Variants in C2CD3 observed in about 807,000 individuals in gnomAD.
The protein encoded by C2CD3 is C2 domain-containing protein 3.
Under a neutral mutation model 234.0 loss-of-function variants are expected in C2CD3, and 148 were observed. The ratio of observed to expected loss-of-function variants is 0.63; its 90% confidence interval spans 0.55 to 0.72. The LOEUF is 0.72. C2CD3 is among the 30% of genes least tolerant of loss of function. C2CD3 has a pLI of 0.00. For synonymous variants in C2CD3, 1,000 were observed against 1,035.4 expected (o/e 0.97, Z 0.66); for missense variants, 2,577 against 2,811.5 (o/e 0.92, Z 1.89).
rs1565263797 is a variant in C2CD3 at position 74,078,121 on chromosome 11, C to T, written c.4597G>A (p.Val1533Ile). The T allele has an allele frequency of 6.2e-7, 1 of 1,612,552 alleles. No individual in the cohort carries two copies. Among genetic ancestry groups the T allele is most frequent in the Admixed American group, 1.7e-5 (1 of 59,930 alleles). The change falls in exon 23 of 33, where the codon GTC (valine) becomes ATC (isoleucine). Residue 1533 changes from valine to isoleucine, a missense_variant. Val to Ile is a conservative substitution (Grantham distance 29). Coordinates refer to ENST00000334126, the MANE Select transcript of C2CD3 (RefSeq NM_001286577.2). Reference protein sequence around the residue: ...LGERSARTLTVSGVYPLFGRN... With the variant: ...LGERSARTLTISGVYPLFGRN... ...AATCAGGCTCCTCACTTACCACTGA[C>T]AGTTAGCGTCCTCGCTGACCTCTCC...
intron 9 of C2CD3, among the ~76,000 whole-genome samples, chr11:74,116,874 GTATA>G (rs1412796057): frequency 8.0e-6 from 1 of 125,104 alleles, no homozygotes; most frequent in South Asian, 2.5e-4. Context: ...ACGTGTATAT[GTATA>G]TATACACACG....
Position 74,037,490 on chromosome 11 carries a change from A to C in C2CD3, c.5869T>G (p.Ser1957Ala), listed in dbSNP as rs1179753071. Residue 1957 changes from serine to alanine, a missense_variant, in exon 30 of 33, where the codon TCC (serine) becomes GCC (alanine). Transcript: ENST00000334126. Reference protein sequence around the residue: ...KSSNLVLQVSSLITDLQTITR... With the variant: ...KSSNLVLQVSALITDLQTITR... ...ATCTGAGTCATACCTGTGATTAAGG[A>C]GCTGACTTGCAACACCAGGTTACTG... 1 of 1,613,072 alleles carries C rather than the reference A, an allele frequency of 6.2e-7. No individual in the cohort carries two copies. Among genetic ancestry groups the C allele is most frequent in the Non-Finnish European group, 8.5e-7 (1 of 1,179,080 alleles).
chr11:74,146,982 C>T lies in C2CD3; in HGVS notation c.484-7154G>A, dbSNP rs187215266. 4.3e-3 allele frequency among the ~76,000 whole-genome samples: 649 copies of T among 151,468 alleles called. 3 individuals are homozygous for T. Among genetic ancestry groups the T allele is most frequent in the African/African-American group, 0.015 (617 of 41,252 alleles). ...GCAGGAGAATTGCTTGAACCTGGGGCGGAGGTTGCAGTGAGCCGAGATCGT... is the reference window on the plus strand; with the variant it reads ...GCAGGAGAATTGCTTGAACCTGGGGTGGAGGTTGCAGTGAGCCGAGATCGT... On this transcript the variant is annotated intron_variant, in intron 3 of 32. Transcript: ENST00000334126.
chr11:74,095,154 GA>G (rs574932207), intron 17 of C2CD3, 73 bp downstream of exon 17: 332 of 960,116 alleles, frequency 3.5e-4, no homozygotes, highest in South Asian at 6.1e-4. Context: ...AATTCACTCA[GA>G]AAAAAAAAAC....
At chr11:74,116,994 G>T (rs1471791723) in intron 9 of C2CD3, among the ~76,000 whole-genome samples, 1 of 114,530 alleles carries the variant, frequency 8.7e-6, no homozygotes, top group African/African-American at 3.4e-5. Context: ...ACACATATAC[G>T]TGTATATGTA....
intron 24 of C2CD3, chr11:74,070,885 C>T (rs192977929): frequency 6.6e-5 from 10 of 152,200 alleles, no homozygotes; most frequent in African/African-American, 2.2e-4. Context: ...ATTAGAATGC[C>T]TTTTTCCTCT....
At chr11:74,107,492 T>G (rs1392733034) in intron 12 of C2CD3, among the ~76,000 whole-genome samples, 1 of 152,216 alleles carries the variant, frequency 6.6e-6, no homozygotes, top group Non-Finnish European at 1.5e-5. Context: ...TGGCATAACA[T>G]GTAGCCATTA....
intron 16 of C2CD3, among the ~76,000 whole-genome samples, chr11:74,097,414 A>T (rs1210697079): frequency 2.0e-5 from 3 of 152,196 alleles, no homozygotes; most frequent in Non-Finnish European, 4.4e-5. Context: ...AAGTTAGAAG[A>T]CCTGTGTCTG....
At chr11:74,076,697 C>A (rs1035926349) in intron 23 of C2CD3, among the ~76,000 whole-genome samples, 1 of 152,114 alleles carries the variant, frequency 6.6e-6, no homozygotes, top group Non-Finnish European at 1.5e-5. Flanking sequence ...TTACTACAGT[C>A]CCCAAAATCT....
chr11:74,040,923 C>T (rs1953012073), intron 29 of C2CD3, among the ~76,000 whole-genome samples: 1 of 151,172 alleles, frequency 6.6e-6, no homozygotes, highest in Non-Finnish European at 1.5e-5. Context: ...CACACACACA[C>T]ACGCACACAC....
intron 3 of C2CD3, among the ~76,000 whole-genome samples, chr11:74,158,486 GC>G (rs1198354547): frequency 2.6e-5 from 4 of 152,112 alleles, no homozygotes; most frequent in African/African-American, 9.7e-5. Flanking sequence ...ACTTTGGGAG[GC>G]CAAGGCGGGC....
intron 32 of C2CD3, among the ~76,000 whole-genome samples, chr11:74,014,931 G>A (rs1951824851): frequency 6.6e-6 from 1 of 152,228 alleles, no homozygotes; most frequent in South Asian, 2.1e-4. Context: ...ATAACCAAGA[G>A]CAAAGTGATA....
At chr11:74,048,104 C>T (rs563536200) in intron 28 of C2CD3, 101 bp downstream of exon 28, 1 of 1,281,218 alleles carries the variant, frequency 7.8e-7, no homozygotes, top group Non-Finnish European at 1.1e-6. Flanking sequence ...CTTACCCTGT[C>T]TTGTTTTTTC....
intron 3 of C2CD3, among the ~76,000 whole-genome samples, chr11:74,159,548 T>TA (rs894504162): frequency 6.0e-5 from 9 of 150,022 alleles, no homozygotes; most frequent in East Asian, 2.0e-4. Context: ...TTTAAAGAGT[T>TA]AAAAAAAAAT....
chr11:74,078,346 C>G lies in C2CD3; in HGVS notation c.4372G>C (p.Val1458Leu). 1 of 1,614,192 alleles carries G rather than the reference C, an allele frequency of 6.2e-7. No homozygotes were observed. The highest frequency in any genetic ancestry group is 8.5e-7 in the Non-Finnish European group (1 of 1,180,030). ...GTGACCATAATCTGCTTTTTGTTTACAGATTCCTTAGGCTTCTTGAGAGGG... is the reference window on the plus strand; with the variant it reads ...GTGACCATAATCTGCTTTTTGTTTAGAGATTCCTTAGGCTTCTTGAGAGGG... Reference protein sequence around the residue: ...WTPLKKPKESVNKKQIMVTFK... With the variant: ...WTPLKKPKESLNKKQIMVTFK... The change falls in exon 23 of 33, where the codon GTA becomes CTA. Residue 1458 changes from valine (V) to leucine (L), a missense_variant. Coordinates refer to ENST00000334126, the MANE Select transcript of C2CD3 (RefSeq NM_001286577.2).
chr11:74,164,379 G>A, intron 2 of C2CD3: 1 of 238,458 alleles, frequency 4.2e-6, no homozygotes, highest in Non-Finnish European at 6.8e-6. Context: ...GAAGAAAGAT[G>A]TAAGAGTATG....
chr11:74,170,751 C>T lies in C2CD3; in HGVS notation c.42G>A (p.Gly14=). ...RKGQGSGGSR[G]RKKRGLSDIS... ...CGCTCAGGTTACCTCTTTTTTTGCG[C>T]CCACGGCTGCCCCCAGACCCTTGGC... is the stretch of plus-strand genomic sequence containing the variant. The change falls in exon 1 of 33, where the codon GGG becomes GGA. Residue 14 remains glycine, a synonymous_variant. Coordinates refer to ENST00000334126, the MANE Select transcript of C2CD3 (RefSeq NM_001286577.2). 2 of 1,614,138 alleles carry T rather than the reference C, an allele frequency of 1.2e-6. No individual in the cohort carries two copies. Among genetic ancestry groups the T allele is most frequent in the African/African-American group, 1.3e-5 (1 of 75,054 alleles).
Position 74,093,802 on chromosome 11 carries a change from T to C in C2CD3, c.3344+14A>G. 1.2e-6 allele frequency: 2 copies of C among 1,610,102 alleles called. No individual in the cohort carries two copies. Among genetic ancestry groups the C allele is most frequent in the Non-Finnish European group, 1.7e-6 (2 of 1,177,138 alleles). On this transcript the variant is annotated intron_variant, in intron 18 of 32. Transcript: ENST00000334126. ...TTCCTTCCTAGGCATAGGACTGGGG[T>C]CTCCACACTGTACCTGCACCAGATT...
At chr11:74,046,566 C>T (rs964017502) in intron 28 of C2CD3, among the ~76,000 whole-genome samples, 16 of 152,110 alleles carry the variant, frequency 1.1e-4, no homozygotes, top group African/African-American at 3.4e-4. Flanking sequence ...TGGCCTCAAG[C>T]GATCCTCCCA....
Sources: allele counts gnomAD v4.1 joint callset (sites outside exome capture counted in the v4.1 genomes callset), GRCh38; gene constraint gnomAD v4.1.1; transcripts MANE v1.5; gene names NCBI Gene and HGNC (gene_info 2026-07-23, HGNC 2026-07-21).